AMZ2: variants seen among roughly 807,000 people sequenced by gnomAD.
The protein encoded by AMZ2 is archaemetzincin-2.
In AMZ2, 26 loss-of-function variants were observed where a neutral mutation model predicts 36.7. The observed-to-expected ratio is 0.71, with a 90% confidence interval of 0.52 to 0.98. The LOEUF is 0.98. AMZ2 is among the 50% of genes least tolerant of loss of function. The probability of loss-of-function intolerance (pLI) is 0.00; values close to 1 mark genes in which losing one functional copy is unlikely to be tolerated. For synonymous variants in AMZ2, 144 were observed against 149.1 expected (o/e 0.97, Z 0.25); for missense variants, 394 against 430.5 (o/e 0.92, Z 0.75).
In AMZ2 at chr17:68,248,078, C is replaced by G. The variant is rs1297508547; in HGVS notation, c.-628C>G. On this transcript the variant is annotated 5_prime_UTR_variant, in exon 1 of 7. Coordinates refer to ENST00000359904, the MANE Select transcript of AMZ2 (RefSeq NM_016627.5). ...GACGCGGTGCGCATGCGCGTGAGGG[C>G]TGCCGCGGGTGGGTGGTATCGAGGC... 1 of 986,094 alleles carries G rather than the reference C, an allele frequency of 1.0e-6. No individual in the cohort carries two copies. Among genetic ancestry groups the G allele is most frequent in the South Asian group, 4.7e-5 (1 of 21,368 alleles). 61.1% of individuals were successfully genotyped at this position (986,094 alleles called of 1,614,324 possible).
At chr17:68,246,195 C>CAAAAAAAAAAAAAAAAAAAA (rs57477453), upstream of AMZ2, among the ~76,000 whole-genome samples, 7 of 83,826 alleles carry the variant, frequency 8.4e-5, no homozygotes, top group East Asian at 3.9e-4. Flanking sequence ...ACTAAAAATA[C>CAAAAAAAAAAAAAAAAAAAA]AAAAAAAAAA....
upstream of AMZ2, among the ~76,000 whole-genome samples, chr17:68,245,254 T>C (rs1490764553): frequency 1.3e-5 from 2 of 151,942 alleles, no homozygotes; most frequent in Non-Finnish European, 2.9e-5. Context: ...TATTTGTTTA[T>C]TTTTTTGAAC....
intron 1 of AMZ2, among the ~76,000 whole-genome samples, chr17:68,220,910 G>A (rs532268935): frequency 6.6e-6 from 1 of 151,600 alleles, no homozygotes; most frequent in African/African-American, 2.4e-5. Context: ...AGCCTCTGGG[G>A]TAGCTGGGAT....
chr17:68,206,235 C>T (rs2072824976), exon 1 of AMZ2: 1 of 1,301,464 alleles, frequency 7.7e-7, no homozygotes, highest in African/African-American at 1.5e-5. Flanking sequence ...CAGCAGCACT[C>T]CAGGTACCCA....
At chr17:68,233,508 CAAAA>C (rs35601824) in intron 1 of AMZ2, among the ~76,000 whole-genome samples, 24 of 78,488 alleles carry the variant, frequency 3.1e-4, no homozygotes, top group African/African-American at 1.0e-3. Flanking sequence ...AACTATGTCT[CAAAA>C]AAAAAAAAAA....
chr17:68,207,312 T>TCCCCCCCCCC (rs1599240418), intron 1 of AMZ2: 1 of 55,526 alleles, frequency 1.8e-5, no homozygotes, highest in Non-Finnish European at 3.6e-5. Flanking sequence ...TTTTGTTAAA[T>TCCCCCCCCCC]ACCCCCCCCC....
chr17:68,247,142 C>G (rs2074054001), upstream of AMZ2: 1 of 151,878 alleles, frequency 6.6e-6, no homozygotes, highest in Non-Finnish European at 1.5e-5. Context: ...CGAGACCAGC[C>G]TGGCCAACAT....
In AMZ2 at chr17:68,256,928, A is replaced by C; in HGVS notation, c.1042A>C (p.Lys348Gln). Residue 348 changes from lysine (K) to glutamine (Q), a missense_variant, in exon 7 of 7, where the codon AAA (lysine) becomes CAA (glutamine). By Grantham distance (53) the Lys-to-Gln change is moderately conservative. Transcript: ENST00000359904. ...PKPVEAFKEW[K>Q]EWIIKCLAVL... ...ACCCGTGGAAGCCTTTAAGGAATGG[A>C]AAGAGTGGATAATAAAATGCCTGGC... The C allele has an allele frequency of 6.2e-7, 1 of 1,614,142 alleles. No individual in the cohort carries two copies. Among genetic ancestry groups the C allele is most frequent in the Non-Finnish European group, 8.5e-7 (1 of 1,179,984 alleles).
chr17:68,210,339 C>T (rs1555725618), intron 1 of AMZ2, among the ~76,000 whole-genome samples: 1 of 152,194 alleles, frequency 6.6e-6, no homozygotes, highest in Non-Finnish European at 1.5e-5. Flanking sequence ...ATCCATATAA[C>T]AGATACATTA....
intron 1 of AMZ2, among the ~76,000 whole-genome samples, chr17:68,241,392 C>T (rs1158026181): frequency 6.6e-6 from 1 of 152,082 alleles, no homozygotes; most frequent in African/African-American, 2.4e-5. Flanking sequence ...CACTGACCAC[C>T]AGATTCAACC....
chr17:68,221,215 C>CG lies in AMZ2; in HGVS notation c.-67+14977_-67+14978insG, dbSNP rs1401830519. 1.2e-3 allele frequency among the ~76,000 whole-genome samples: 106 copies of CG among 91,340 alleles called. 10 individuals carry two copies. Among genetic ancestry groups the CG allele is most frequent in the African/African-American group, 4.3e-3 (99 of 22,906 alleles). The allele number at this position is 91,340 out of a possible 152,430, so 59.9% of individuals were successfully genotyped here. On this transcript the variant is annotated intron_variant, in intron 1 of 7. Coordinates refer to the AMZ2 transcript ENST00000674770. ...TCCTGCCTCAGCCCTCAGCTCCCCC[C>CG]CCCGCCCCCCCGGTAGCTAGGACCC...
intron 1 of AMZ2, among the ~76,000 whole-genome samples, chr17:68,223,802 G>C (rs113108394): frequency 0.043 from 6,486 of 151,940 alleles, 437 homozygotes; most frequent in African/African-American, 0.15. Flanking sequence ...TGCAACTTCT[G>C]CCTCCTGGTT....
Position 68,250,256 on chromosome 17 carries a change from A to G in AMZ2, c.69A>G (p.Val23=), listed in dbSNP as rs2074350591. ...TCATCTCAAAGAACCCAGTGCTTGT[A>G]TCACAGTATGAGAAATTAAATGCTG... The part of the protein sequence containing the change: ...TALISKNPVL[V]SQYEKLNAGE... Residue 23 remains valine (V), a synonymous_variant, in exon 2 of 7, where the codon GTA becomes GTG. Transcript: ENST00000359904. 6.2e-7 allele frequency: 1 copy of G among 1,614,206 alleles called. No homozygotes were observed. Among genetic ancestry groups the G allele is most frequent in the East Asian group, 2.2e-5 (1 of 44,888 alleles).
chr17:68,249,160 A>T (rs1407336742), intron 1 of AMZ2: 9 of 1,081,718 alleles, frequency 8.3e-6, no homozygotes, highest in Non-Finnish European at 1.0e-5. Context: ...TTGAGGCCAT[A>T]AACTTCAGTG....
At chr17:68,220,327 C>CCTTG (rs10680670) in intron 1 of AMZ2, among the ~76,000 whole-genome samples, 83,789 of 151,292 alleles carry the variant, frequency 0.55, 24,501 homozygotes, top group African/African-American at 0.75. Flanking sequence ...CTATGCCTCC[C>CCTTG]CTTGCTTTAC....
intron 1 of AMZ2, among the ~76,000 whole-genome samples, chr17:68,238,811 A>G (rs2073845086): frequency 2.0e-5 from 3 of 152,206 alleles, no homozygotes; most frequent in Admixed American, 2.0e-4. Context: ...AAGAGTAACT[A>G]AAGTGGGAAA....
chr17:68,255,883 T>TG lies in AMZ2; in HGVS notation c.927+13dup, dbSNP rs782614937. 2.5e-6 allele frequency: 4 copies of TG among 1,613,054 alleles called. No homozygotes were observed. Among genetic ancestry groups the TG allele is most frequent in the African/African-American group, 1.3e-5 (1 of 74,646 alleles). On this transcript the variant is annotated splice_region_variant and intron_variant, in intron 6 of 6. Transcript: ENST00000359904. Reference sequence around the variant, plus strand: ...CATTGTAGAAAGATACAAAGTAAGTTGGGGGGTGGACAGTCTAAAGAGGGG... The same window carrying TG: ...CATTGTAGAAAGATACAAAGTAAGTTGGGGGGGTGGACAGTCTAAAGAGGGG...
At chr17:68,232,444 C>T (rs56122003) in intron 1 of AMZ2, among the ~76,000 whole-genome samples, 32,269 of 148,916 alleles carry the variant, frequency 0.22, 3,964 homozygotes, top group East Asian at 0.41. Context: ...TACAATAAAC[C>T]GTGATCACAC....
At chr17:68,245,633 T>C (rs1442816457), upstream of AMZ2, among the ~76,000 whole-genome samples, 3 of 152,176 alleles carry the variant, frequency 2.0e-5, no homozygotes, top group African/African-American at 7.2e-5. Flanking sequence ...AAGTTCATGA[T>C]TTAGAAATTT....
Sources: gnomAD v4.1 joint callset for allele counts (sites outside exome capture counted in the v4.1 genomes callset) on GRCh38, gnomAD v4.1.1 for gene constraint, MANE v1.5 for transcripts, NCBI Gene and HGNC (gene_info 2026-07-23, HGNC 2026-07-21) for gene names.